ATP6V0E1: variants seen among roughly 807,000 people sequenced by gnomAD.
ATP6V0E1 encodes the protein ATPase H+ transporting V0 subunit e1.
ATP6V0E1 carries 4 observed loss-of-function variants against 11.6 expected under a neutral mutation model. The observed-to-expected ratio is 0.35, with a 90% CI of 0.17 to 0.79. The LOEUF (loss-of-function observed/expected upper bound fraction) is 0.79, where lower values mean the gene tolerates loss of function less well. Among genes scored for constraint, ATP6V0E1 ranks in the 30% least tolerant of loss-of-function variants. The pLI is 0.54. For synonymous variants in ATP6V0E1, 36 were observed against 34.8 expected, an observed-to-expected ratio of 1.04 and a Z score of -0.13; for missense variants, 105 against 100.0, an observed-to-expected ratio of 1.05 and a Z score of -0.21.
In ATP6V0E1 at chr5:173,028,557, A is replaced by G. The variant is rs373754435; in HGVS notation, c.*37-5842A>G. On this transcript the variant is annotated intron_variant, in intron 3 of 3. Coordinates refer to ENST00000519374, the MANE Select transcript of ATP6V0E1 (RefSeq NM_003945.4). ...GACCAGTTATGAAAGCTTTAGAATA[A>G]TTTTATATAGATGAAATGGAATCAA... Among the ~76,000 whole-genome samples the G allele has an allele frequency of 9.8e-5, 15 of 152,328 alleles. No individual in the cohort carries two copies. In the East Asian group the frequency reaches 2.7e-3, roughly 27 times the overall value.
chr5:173,035,178 A>G lies in ATP6V0E1; in HGVS notation c.*816A>G, dbSNP rs1187347582. 1 of 152,208 alleles carries G rather than the reference A, an allele frequency of 6.6e-6. No homozygotes were observed. The highest frequency in any genetic ancestry group is 1.5e-5 in the Non-Finnish European group (1 of 68,058). 9.4% of individuals were successfully genotyped at this position (152,208 alleles called of 1,614,324 possible). On this transcript the variant is annotated 3_prime_UTR_variant, in exon 4 of 4. Coordinates refer to ENST00000519374, the MANE Select transcript of ATP6V0E1 (RefSeq NM_003945.4). ...TAAGGTTAGTATACATAGAACTGTA[A>G]TATAAGGTTGTGTTGGAGCATTGTC...
intron 2 of ATP6V0E1, among the ~76,000 whole-genome samples, chr5:173,002,966 G>A (rs1756181399): frequency 2.0e-5 from 3 of 151,228 alleles, no homozygotes; most frequent in Admixed American, 2.0e-4. Context: ...CAGAAGGATC[G>A]CTTGGGCTCA....
chr5:172,986,543 G>A, intron 1 of ATP6V0E1: 1 of 260,320 alleles, frequency 3.8e-6, no homozygotes, highest in South Asian at 3.3e-5. Flanking sequence ...GGATGGGAGT[G>A]TTTGAGACCA....
chr5:173,030,710 A>G (rs1756636370), intron 3 of ATP6V0E1, among the ~76,000 whole-genome samples: 1 of 151,916 alleles, frequency 6.6e-6, no homozygotes, highest in African/African-American at 2.4e-5. Context: ...TGCTGAGATT[A>G]CAGGTGTGAG....
chr5:172,993,532 T>G (rs1460952437), intron 1 of ATP6V0E1, among the ~76,000 whole-genome samples: 1 of 151,138 alleles, frequency 6.6e-6, no homozygotes, highest in Non-Finnish European at 1.5e-5. Flanking sequence ...ACACAGAACT[T>G]CTAAAGGATG....
chr5:172,998,077 T>G (rs1371058675), intron 2 of ATP6V0E1, among the ~76,000 whole-genome samples: 1 of 151,698 alleles, frequency 6.6e-6, no homozygotes, highest in Non-Finnish European at 1.5e-5. Flanking sequence ...GGCAGTGCAT[T>G]CCAGCCTGGG....
chr5:173,022,257 CTG>C (rs1234924557), intron 3 of ATP6V0E1, among the ~76,000 whole-genome samples: 2 of 152,128 alleles, frequency 1.3e-5, no homozygotes, highest in South Asian at 2.1e-4. Context: ...TTACTGTAAA[CTG>C]TGTATTGCCT....
At chr5:173,001,411 G>A (rs1314973910) in intron 2 of ATP6V0E1, among the ~76,000 whole-genome samples, 1 of 151,720 alleles carries the variant, frequency 6.6e-6, no homozygotes, top group African/African-American at 2.4e-5. Context: ...TTTAGCCCCC[G>A]TTGCTGTCCA....
At chr5:173,023,360 A>G (rs1394417974) in intron 3 of ATP6V0E1, among the ~76,000 whole-genome samples, 1 of 152,074 alleles carries the variant, frequency 6.6e-6, no homozygotes, top group Admixed American at 6.6e-5. Flanking sequence ...CACCCAGCCA[A>G]TTTTTGGTTA....
chr5:173,001,709 G>C (rs1756157823), intron 2 of ATP6V0E1, among the ~76,000 whole-genome samples: 6 of 151,322 alleles, frequency 4.0e-5, no homozygotes, highest in Non-Finnish European at 8.8e-5. Context: ...TTCTGGTTTT[G>C]AGCTTTTTTT....
At chr5:173,025,504 CTTTT>C (rs60822937) in intron 3 of ATP6V0E1, among the ~76,000 whole-genome samples, 4 of 65,568 alleles carry the variant, frequency 6.1e-5, no homozygotes, top group Non-Finnish European at 8.3e-5. Context: ...ATATAAAATA[CTTTT>C]TTTTTTTTTT....
Position 173,017,198 on chromosome 5 carries a change from G to A in ATP6V0E1, c.153-3040G>A, listed in dbSNP as rs116100485. On this transcript the variant is annotated intron_variant, in intron 2 of 3. Transcript: ENST00000519374. ...TAGGGAAATTTAAAGTCCTGAAAGCGTGAAAGGAGACTGCTGTAGTGATAT... is the reference window on the plus strand; with the variant it reads ...TAGGGAAATTTAAAGTCCTGAAAGCATGAAAGGAGACTGCTGTAGTGATAT... 6.1e-3 allele frequency among the ~76,000 whole-genome samples: 935 copies of A among 152,310 alleles called. 7 individuals are homozygous for A. Among genetic ancestry groups the A allele is most frequent in the South Asian group, 0.031 (150 of 4,820 alleles).
At position 173,034,705 on chromosome 5, in the gene ATP6V0E1, C is replaced by CA. The variant is rs1185544403; in HGVS notation, c.*344dup. 3 of 465,640 alleles carry CA rather than the reference C, an allele frequency of 6.4e-6. No homozygotes were observed. The highest frequency in any genetic ancestry group is 1.2e-5 in the Non-Finnish European group (3 of 255,670). 28.8% of individuals were successfully genotyped at this position (465,640 alleles called of 1,614,324 possible). ...GATTTGAAGATGGCTCCTGCCTTCT[C>CA]ACGTGGGAATCAGTGAAGTGTTTAG... On this transcript the variant is annotated 3_prime_UTR_variant, in exon 4 of 4. Coordinates refer to ENST00000519374, the MANE Select transcript of ATP6V0E1 (RefSeq NM_003945.4).
At chr5:173,011,204 C>G (rs1353152555) in intron 2 of ATP6V0E1, among the ~76,000 whole-genome samples, 1 of 93,062 alleles carries the variant, frequency 1.1e-5, no homozygotes. Context: ...TTTTTTGAAA[C>G]AGGGTCTTGC....
chr5:173,030,550 C>T (rs1202590567), intron 3 of ATP6V0E1, among the ~76,000 whole-genome samples: 2 of 151,046 alleles, frequency 1.3e-5, no homozygotes, highest in South Asian at 2.1e-4. Context: ...AAGTGATTCT[C>T]GTGCCTCAGC....
At chr5:172,992,200 G>A (rs1367972514) in intron 1 of ATP6V0E1, among the ~76,000 whole-genome samples, 1 of 152,036 alleles carries the variant, frequency 6.6e-6, no homozygotes, top group Non-Finnish European at 1.5e-5. Context: ...ACAGGCGCCC[G>A]CCACCACGCC....
chr5:172,990,917 T>G (rs1449277648), intron 1 of ATP6V0E1, among the ~76,000 whole-genome samples: 2 of 152,122 alleles, frequency 1.3e-5, no homozygotes, highest in Non-Finnish European at 2.9e-5. Flanking sequence ...CCCAAAGTGC[T>G]AAGATTACAG....
At chr5:173,008,250 T>G (rs1756259077) in intron 2 of ATP6V0E1, among the ~76,000 whole-genome samples, 1 of 152,008 alleles carries the variant, frequency 6.6e-6, no homozygotes, top group African/African-American at 2.4e-5. Flanking sequence ...AAACACACAC[T>G]CCAAATGTCT....
chr5:173,009,242 A>G (rs1220721168), intron 2 of ATP6V0E1, among the ~76,000 whole-genome samples: 1 of 151,934 alleles, frequency 6.6e-6, no homozygotes, highest in Non-Finnish European at 1.5e-5. Flanking sequence ...CAAATTAAAA[A>G]AATAAATAAA....
Sources: allele counts gnomAD v4.1 joint callset (sites outside exome capture counted in the v4.1 genomes callset), GRCh38; gene constraint gnomAD v4.1.1; transcripts MANE v1.5; gene names NCBI Gene and HGNC (gene_info 2026-07-23, HGNC 2026-07-21).